The following PCDH9 variants were observed in gnomAD, a reference collection of about 807,000 sequenced individuals.
The protein encoded by PCDH9 is protocadherin 9.
PCDH9 carries 24 observed loss-of-function variants against 70.6 expected under a neutral mutation model. The ratio of observed to expected loss-of-function variants is 0.34; its 90% confidence interval spans 0.25 to 0.48. The LOEUF (loss-of-function observed/expected upper bound fraction) is 0.48. Ranked by LOEUF, PCDH9 falls within the 20% of genes least tolerant of loss-of-function variation. PCDH9 has a pLI of 0.99. For missense variants in PCDH9, 1,281 were observed against 1,503.6 expected (o/e 0.85, Z 2.45); for synonymous variants, 562 against 558.5 (o/e 1.01, Z -0.09).
chr13:66,508,981 T>C (rs1283999180), intron 4 of PCDH9, among the ~76,000 whole-genome samples: 2 of 152,184 alleles, frequency 1.3e-5, no homozygotes, highest in African/African-American at 4.8e-5. Flanking sequence ...ATGAACATAA[T>C]GAATTTTGAA....
At position 66,838,150 on chromosome 13, in the gene PCDH9, A is replaced by G. The variant is rs181744175; in HGVS notation, c.3138+65354T>C. Among the ~76,000 whole-genome samples the G allele has an allele frequency of 3.3e-4, 50 of 152,128 alleles. 1 individual carries two copies. The highest frequency in any genetic ancestry group is 2.9e-3 in the Admixed American group (44 of 15,266). Reference sequence around the variant, plus strand: ...CAGAACATATATTTCATTCTATAATATTTTTTTCTCCCCTTTATTCTTCTG... The same window carrying G: ...CAGAACATATATTTCATTCTATAATGTTTTTTTCTCCCCTTTATTCTTCTG... On this transcript the variant is annotated intron_variant, in intron 3 of 4. Transcript: ENST00000377865.
intron 2 of PCDH9, among the ~76,000 whole-genome samples, chr13:66,938,920 T>G (rs2082961272): frequency 6.6e-6 from 1 of 152,146 alleles, no homozygotes; most frequent in South Asian, 2.1e-4. Flanking sequence ...ATTGCATGGT[T>G]TATATTATGT....
intron 2 of PCDH9, among the ~76,000 whole-genome samples, chr13:67,113,093 T>C (rs1399222898): frequency 6.6e-6 from 1 of 152,204 alleles, no homozygotes; most frequent in East Asian, 1.9e-4. Flanking sequence ...ATCATATCAC[T>C]GACCTTGGTG....
At chr13:66,496,251 T>C (rs1188722455) in intron 4 of PCDH9, among the ~76,000 whole-genome samples, 1 of 152,176 alleles carries the variant, frequency 6.6e-6, no homozygotes, top group Admixed American at 6.5e-5. Flanking sequence ...AAAACTTAGG[T>C]CATTTAAATC....
intron 4 of PCDH9, among the ~76,000 whole-genome samples, chr13:66,339,883 T>G (rs1417323699): frequency 6.6e-6 from 1 of 152,144 alleles, no homozygotes; most frequent in Admixed American, 6.5e-5. Flanking sequence ...TGCCCTTTAT[T>G]CAGTTTTTGT....
At chr13:66,499,659 G>A (rs1959166640) in intron 4 of PCDH9, among the ~76,000 whole-genome samples, 1 of 152,174 alleles carries the variant, frequency 6.6e-6, no homozygotes, top group Non-Finnish European at 1.5e-5. Flanking sequence ...ATGAAAATAT[G>A]TTGTTTATGT....
intron 3 of PCDH9, among the ~76,000 whole-genome samples, chr13:66,674,615 G>A (rs942795883): frequency 2.6e-5 from 4 of 151,906 alleles, no homozygotes; most frequent in African/African-American, 9.7e-5. Context: ...TAAATGGGAG[G>A]TCCGTCAAAG....
intron 2 of PCDH9, among the ~76,000 whole-genome samples, chr13:67,122,429 C>T (rs1435795773): frequency 6.6e-6 from 1 of 151,974 alleles, no homozygotes; most frequent in Admixed American, 6.6e-5. Flanking sequence ...CATGCATTAT[C>T]TCCATTTTAC....
chr13:66,886,500 C>A (rs1204519853), intron 3 of PCDH9, among the ~76,000 whole-genome samples: 1 of 152,030 alleles, frequency 6.6e-6, no homozygotes. Context: ...TTTGTGTTAG[C>A]CAGAGGCCAC....
chr13:66,459,085 C>T (rs941380792), intron 4 of PCDH9, among the ~76,000 whole-genome samples: 3 of 151,924 alleles, frequency 2.0e-5, no homozygotes, highest in Non-Finnish European at 2.9e-5. Context: ...AAAATAAGAA[C>T]GTGTTCCACT....
intron 2 of PCDH9, among the ~76,000 whole-genome samples, chr13:67,053,131 G>A (rs924899413): frequency 2.0e-5 from 3 of 152,038 alleles, no homozygotes; most frequent in Admixed American, 1.3e-4. Flanking sequence ...AACTTACATT[G>A]AGCACAATCT....
intron 4 of PCDH9, among the ~76,000 whole-genome samples, chr13:66,512,303 T>TATATATATATAC (rs1491228217): frequency 6.8e-6 from 1 of 146,378 alleles, no homozygotes; most frequent in African/African-American, 2.5e-5. Flanking sequence ...TATATATATA[T>TATATATATATAC]ACACAATAAG....
At chr13:67,072,520 T>C (rs761387434) in intron 2 of PCDH9, among the ~76,000 whole-genome samples, 6 of 152,282 alleles carry the variant, frequency 3.9e-5, no homozygotes, top group Non-Finnish European at 7.4e-5. Context: ...TTTGGTTAGA[T>C]ATATTTGCTA....
intron 4 of PCDH9, among the ~76,000 whole-genome samples, chr13:66,588,515 T>C (rs983767411): frequency 6.6e-6 from 1 of 151,760 alleles, no homozygotes; most frequent in Non-Finnish European, 1.5e-5. Context: ...TATATGTATG[T>C]ATATACACAC....
chr13:67,215,000 T>C (rs2089568966), intron 2 of PCDH9: 1 of 135,790 alleles, frequency 7.4e-6, no homozygotes. Flanking sequence ...CAACTTTATA[T>C]GGATTTGGCA....
chr13:67,059,885 G>GT (rs56867131), intron 2 of PCDH9, among the ~76,000 whole-genome samples: 58,271 of 143,280 alleles, frequency 0.41, 12,166 homozygotes, highest in East Asian at 0.63. Flanking sequence ...GTTTTTTGTT[G>GT]TTTTTTTTTT....
intron 2 of PCDH9, among the ~76,000 whole-genome samples, chr13:66,931,003 G>A (rs1430876176): frequency 6.6e-6 from 1 of 152,072 alleles, no homozygotes; most frequent in African/African-American, 2.4e-5. Flanking sequence ...GCATTAAGTG[G>A]CAGCACACAC....
rs1194557862 is a variant in PCDH9 at position 66,485,709 on chromosome 13, T to A, written c.3340+145501A>T. On this transcript the variant is annotated intron_variant, in intron 4 of 4. Transcript: ENST00000377865. ...TAAATTATTCTTCAACCCTATTATTTCATTTTATTTATTCATTTATTTATT... is the reference window on the plus strand; with the variant it reads ...TAAATTATTCTTCAACCCTATTATTACATTTTATTTATTCATTTATTTATT... 3.3e-5 allele frequency among the ~76,000 whole-genome samples: 5 copies of A among 152,178 alleles called. No individual in the cohort carries two copies. In the South Asian group the frequency reaches 6.2e-4, roughly 19 times the overall value.
chr13:66,814,954 C>T (rs1278878998), intron 3 of PCDH9, among the ~76,000 whole-genome samples: 3 of 151,910 alleles, frequency 2.0e-5, no homozygotes, highest in Non-Finnish European at 4.4e-5. Flanking sequence ...GAAGAAACTA[C>T]GAACAGAGTA....
Sources: allele counts gnomAD v4.1 joint callset (sites outside exome capture counted in the v4.1 genomes callset), GRCh38; gene constraint gnomAD v4.1.1; transcripts MANE v1.5; gene names NCBI Gene and HGNC (gene_info 2026-07-23, HGNC 2026-07-21).